EFCAB11: variants seen among roughly 807,000 people sequenced by gnomAD.
EFCAB11 encodes EF-hand calcium binding domain 11.
A neutral mutation model predicts 23.0 loss-of-function variants in EFCAB11; 14 were observed. The observed-to-expected ratio is 0.61, with a 90% CI of 0.40 to 0.95. The LOEUF is 0.95. Among genes scored for constraint, EFCAB11 ranks in the 40% least tolerant of loss-of-function variants. The pLI is 0.00. For synonymous variants in EFCAB11, 65 were observed against 66.6 expected (o/e 0.98, Z 0.11); for missense variants, 198 against 195.8 (o/e 1.01, Z -0.07).
chr14:89,844,117 T>C (rs1443490187), intron 5 of EFCAB11, among the ~76,000 whole-genome samples: 1 of 152,250 alleles, frequency 6.6e-6, no homozygotes, highest in African/African-American at 2.4e-5. Flanking sequence ...ACTTCTGATT[T>C]CAACTTAAAC....
intron 2 of EFCAB11, among the ~76,000 whole-genome samples, chr14:89,953,042 C>T (rs1891232627): frequency 6.6e-6 from 1 of 152,126 alleles, no homozygotes; most frequent in Non-Finnish European, 1.5e-5. Context: ...CTCAGCTCAA[C>T]TCTCATTATT....
At chr14:89,931,493 C>T (rs1473795418) in intron 5 of EFCAB11, 48 bp downstream of exon 5, 1 of 1,492,542 alleles carries the variant, frequency 6.7e-7, no homozygotes, top group South Asian at 1.2e-5. Context: ...CATGTAAAAG[C>T]AAATGGTAAA....
At chr14:89,928,236 T>C (rs1261887891) in intron 5 of EFCAB11, among the ~76,000 whole-genome samples, 3 of 152,190 alleles carry the variant, frequency 2.0e-5, no homozygotes, top group Admixed American at 6.5e-5. Flanking sequence ...GGAGCACATA[T>C]GTTATTATAT....
chr14:89,832,960 G>A (rs1379196415), intron 5 of EFCAB11: 2 of 152,088 alleles, frequency 1.3e-5, no homozygotes, highest in Non-Finnish European at 2.9e-5. Context: ...AGCATTAACA[G>A]AATTTTCCCC....
At chr14:89,914,613 C>G (rs557950652) in intron 5 of EFCAB11, among the ~76,000 whole-genome samples, 1 of 152,002 alleles carries the variant, frequency 6.6e-6, no homozygotes, top group Non-Finnish European at 1.5e-5. Flanking sequence ...GGTGAAACCC[C>G]GTCTCTACTA....
rs561763982 is a variant in EFCAB11 at position 89,919,456 on chromosome 14, C to T, written c.410+12085G>A. On this transcript the variant is annotated intron_variant, in intron 5 of 5. Transcript: ENST00000316738. ...AGTGGTGTCAACATTGATTCTTGGG[C>T]TTAATGGTAGCTAAGGAGACTAGAG... Among the ~76,000 whole-genome samples the T allele has an allele frequency of 4.6e-5, 7 of 152,218 alleles. No homozygotes were observed. In the East Asian group the frequency reaches 1.4e-3, roughly 29 times the overall value.
Position 89,818,401 on chromosome 14 carries a change from A to G in EFCAB11, c.411-21077T>C, listed in dbSNP as rs1284727797. ...ATTCTTTGGAAGACAGACAACAAGT[A>G]AGTAGAACTACAAAAGAAAGAAGCA... On this transcript the variant is annotated intron_variant, in intron 5 of 5. Transcript: ENST00000316738. Among the ~76,000 whole-genome samples, 3 of 152,114 alleles carry G rather than the reference A, an allele frequency of 2.0e-5. No homozygotes were observed. In the East Asian group the frequency reaches 5.8e-4, roughly 29 times the overall value.
intron 5 of EFCAB11, among the ~76,000 whole-genome samples, chr14:89,820,218 G>A (rs1370501380): frequency 3.9e-5 from 6 of 152,072 alleles, no homozygotes; most frequent in East Asian, 1.9e-4. Flanking sequence ...CAGAGCTGTC[G>A]ATTTTTTTTC....
intron 5 of EFCAB11, among the ~76,000 whole-genome samples, chr14:89,837,897 G>A (rs574604039): frequency 3.3e-5 from 5 of 152,210 alleles, no homozygotes; most frequent in African/African-American, 9.6e-5. Flanking sequence ...GAGGGTCAAG[G>A]CCCCAAATTA....
chr14:89,824,576 T>A (rs964687394), intron 5 of EFCAB11, among the ~76,000 whole-genome samples: 2 of 152,082 alleles, frequency 1.3e-5, no homozygotes, highest in African/African-American at 4.8e-5. Context: ...TAAATATTAA[T>A]TAAAAATCAG....
In EFCAB11 at chr14:89,822,817, C is replaced by A. The variant is rs1046717693; in HGVS notation, c.411-25493G>T. On this transcript the variant is annotated intron_variant, in intron 5 of 5. Coordinates refer to ENST00000316738, the MANE Select transcript of EFCAB11 (RefSeq NM_145231.4). ...CAAAGGCCATACCTCAGAAATAGGG[C>A]TAAATCAGTCACGGAGTAAAAGCTA... 2.6e-5 allele frequency among the ~76,000 whole-genome samples: 4 copies of A among 152,134 alleles called. 1 individual carries two copies. The highest frequency in any genetic ancestry group is 4.1e-4 in the South Asian group (2 of 4,828).
chr14:89,845,531 T>G (rs1315417302), intron 5 of EFCAB11, among the ~76,000 whole-genome samples: 1 of 152,166 alleles, frequency 6.6e-6, no homozygotes, highest in Non-Finnish European at 1.5e-5. Context: ...GCCATCACAG[T>G]GACGTGTCTA....
intron 3 of EFCAB11, among the ~76,000 whole-genome samples, chr14:89,939,219 C>T (rs1325734812): frequency 6.6e-6 from 1 of 152,010 alleles, no homozygotes; most frequent in African/African-American, 2.4e-5. Context: ...TGCCAGCTGA[C>T]TCGGCTGGAC....
At chr14:89,953,873 T>A (rs1431028657) in intron 2 of EFCAB11, 33 bp downstream of exon 2, 8 of 1,571,842 alleles carry the variant, frequency 5.1e-6, no homozygotes, top group Non-Finnish European at 7.0e-6. Context: ...TTTGATCGTC[T>A]ACCCCATCCC....
At chr14:89,843,149 G>A (rs1017021148) in intron 5 of EFCAB11, among the ~76,000 whole-genome samples, 10 of 151,992 alleles carry the variant, frequency 6.6e-5, no homozygotes, top group South Asian at 2.1e-4. Flanking sequence ...GTACCAGAAC[G>A]GTGGTTCTCA....
At chr14:89,916,928 T>C (rs1450492784) in intron 5 of EFCAB11, among the ~76,000 whole-genome samples, 2 of 152,186 alleles carry the variant, frequency 1.3e-5, no homozygotes, top group East Asian at 3.9e-4. Flanking sequence ...GTAGACATTT[T>C]TTGAGGTATG....
chr14:89,939,401 AG>A (rs1347506279), intron 3 of EFCAB11, among the ~76,000 whole-genome samples: 2 of 152,228 alleles, frequency 1.3e-5, no homozygotes, highest in African/African-American at 2.4e-5. Flanking sequence ...GTAAAAGAAC[AG>A]GGATCTAGGA....
chr14:89,825,997 T>C (rs1418260729), intron 5 of EFCAB11, among the ~76,000 whole-genome samples: 1 of 152,166 alleles, frequency 6.6e-6, no homozygotes, highest in Non-Finnish European at 1.5e-5. Flanking sequence ...CCTGGGAATA[T>C]AGTAGCCAAT....
intron 3 of EFCAB11, 70 bp from the exon 4 acceptor site, chr14:89,932,697 A>C: frequency 1.7e-6 from 2 of 1,165,368 alleles, no homozygotes; most frequent in Non-Finnish European, 2.5e-6. Context: ...TTAAACAGAA[A>C]TGGACAGTAA....
Sources: gnomAD v4.1 joint callset for allele counts (sites outside exome capture counted in the v4.1 genomes callset) on GRCh38, gnomAD v4.1.1 for gene constraint, MANE v1.5 for transcripts, NCBI Gene and HGNC (gene_info 2026-07-23, HGNC 2026-07-21) for gene names.